ATG5: variants seen among roughly 807,000 people sequenced by gnomAD.
ATG5 encodes autophagy related 5, also known as autophagy protein 5.
A neutral mutation model predicts 36.5 loss-of-function variants in ATG5; 14 were observed. That is an observed-to-expected ratio of 0.38 (90% CI 0.25 to 0.60). ATG5 has a LOEUF of 0.60. Ranked by LOEUF, ATG5 falls within the 20% of genes least tolerant of loss-of-function variation. The pLI is 0.60. For synonymous variants in ATG5, 95 were observed against 101.5 expected (o/e 0.94, Z 0.38); for missense variants, 195 against 326.7 (o/e 0.60, Z 3.11).
chr6:106,233,282 A>G (rs1265364926), intron 6 of ATG5, among the ~76,000 whole-genome samples: 3 of 152,244 alleles, frequency 2.0e-5, no homozygotes, highest in South Asian at 2.1e-4. Flanking sequence ...ATTCCTTGAC[A>G]TAACAGGTTT....
intron 4 of ATG5, among the ~76,000 whole-genome samples, chr6:106,287,286 A>T (rs1780117049): frequency 1.3e-5 from 2 of 152,210 alleles, no homozygotes; most frequent in South Asian, 2.1e-4. Flanking sequence ...AAACTTGTCC[A>T]TCAGAAAAGA....
intron 5 of ATG5, among the ~76,000 whole-genome samples, chr6:106,257,018 TG>T (rs1342831891): frequency 6.6e-6 from 1 of 152,230 alleles, no homozygotes; most frequent in East Asian, 1.9e-4. Flanking sequence ...CCTTATTCTA[TG>T]AAACTTATTT....
intron 4 of ATG5, among the ~76,000 whole-genome samples, chr6:106,291,203 A>C (rs1000316779): frequency 6.6e-6 from 1 of 152,232 alleles, no homozygotes; most frequent in Non-Finnish European, 1.5e-5. Flanking sequence ...TTCCCATTCC[A>C]TCATACAGGA....
At chr6:106,309,317 CAGAA>C (rs952675457) in intron 2 of ATG5, among the ~76,000 whole-genome samples, 2 of 152,040 alleles carry the variant, frequency 1.3e-5, no homozygotes, top group African/African-American at 2.4e-5. Flanking sequence ...CAAATATATA[CAGAA>C]AGAGATATTC....
At chr6:106,305,875 C>G (rs1234574762) in intron 3 of ATG5, among the ~76,000 whole-genome samples, 1 of 152,092 alleles carries the variant, frequency 6.6e-6, no homozygotes, top group Admixed American at 6.5e-5. Context: ...TTACTGGAAG[C>G]AAAGAGAGAA....
intron 6 of ATG5, among the ~76,000 whole-genome samples, chr6:106,244,904 T>C (rs1778270747): frequency 6.6e-6 from 1 of 152,214 alleles, no homozygotes; most frequent in Admixed American, 6.5e-5. Context: ...TTAATTTTCA[T>C]TTTACATCTC....
intron 5 of ATG5, among the ~76,000 whole-genome samples, chr6:106,251,661 A>AGGG (rs1562237616): frequency 2.1e-3 from 3 of 1,408 alleles, no homozygotes; most frequent in Non-Finnish European, 3.5e-3. Context: ...GGGAGGGAGG[A>AGGG]AGGGAGGGGG....
At chr6:106,253,715 AATC>A (rs1373680044) in intron 5 of ATG5, among the ~76,000 whole-genome samples, 1 of 152,200 alleles carries the variant, frequency 6.6e-6, no homozygotes, top group Admixed American at 6.5e-5. Context: ...TTAAAGTATA[AATC>A]ATCAACGAGT....
At chr6:106,314,388 C>T (rs959896835) in intron 2 of ATG5, among the ~76,000 whole-genome samples, 3 of 152,032 alleles carry the variant, frequency 2.0e-5, no homozygotes, top group African/African-American at 7.2e-5. Flanking sequence ...GAAACCCTGT[C>T]TCTACTAAAA....
intron 5 of ATG5, among the ~76,000 whole-genome samples, chr6:106,274,906 T>C (rs1052039845): frequency 6.6e-5 from 10 of 152,008 alleles, no homozygotes; most frequent in Admixed American, 1.3e-4. Flanking sequence ...TGTGATAAAA[T>C]ACAAGAGAAA....
intron 7 of ATG5, among the ~76,000 whole-genome samples, chr6:106,195,476 C>T (rs2114329499): frequency 6.6e-6 from 1 of 152,130 alleles, no homozygotes; most frequent in African/African-American, 2.4e-5. Context: ...GTTTTGGATA[C>T]TCTACATAGA....
At chr6:106,222,731 T>C (rs1221701935) in intron 6 of ATG5, among the ~76,000 whole-genome samples, 1 of 152,250 alleles carries the variant, frequency 6.6e-6, no homozygotes, top group African/African-American at 2.4e-5. Context: ...ATTCAAATCC[T>C]GGCTCTTCTA....
At chr6:106,276,505 C>CT (rs1031700299) in intron 5 of ATG5, among the ~76,000 whole-genome samples, 3 of 151,196 alleles carry the variant, frequency 2.0e-5, no homozygotes, top group African/African-American at 7.3e-5. Flanking sequence ...AAGCAGTTGA[C>CT]TTGACCTAAG....
chr6:106,322,382 A>C (rs1771117299), intron 1 of ATG5, among the ~76,000 whole-genome samples: 1 of 152,234 alleles, frequency 6.6e-6, no homozygotes, highest in South Asian at 2.1e-4. Flanking sequence ...AATACTTACT[A>C]AACTAAGCGT....
At chr6:106,261,149 C>T in intron 5 of ATG5, among the ~76,000 whole-genome samples, 1 of 152,094 alleles carries the variant, frequency 6.6e-6, no homozygotes, top group East Asian at 1.9e-4. Flanking sequence ...AGAGATAGAT[C>T]AAGTGAGCTA....
At chr6:106,262,677 C>G (rs909537540) in intron 5 of ATG5, among the ~76,000 whole-genome samples, 2 of 151,962 alleles carry the variant, frequency 1.3e-5, no homozygotes, top group Non-Finnish European at 2.9e-5. Flanking sequence ...TTGTTGGGAC[C>G]GGTTAGGCAG....
intron 6 of ATG5, among the ~76,000 whole-genome samples, chr6:106,222,604 C>T (rs1297617891): frequency 6.6e-6 from 1 of 151,964 alleles, no homozygotes; most frequent in Non-Finnish European, 1.5e-5. Context: ...GGAGAACAGT[C>T]TCAAATCATA....
intron 3 of ATG5, among the ~76,000 whole-genome samples, chr6:106,298,558 AAAAT>A (rs146447159): frequency 0.075 from 11,386 of 152,068 alleles, 715 homozygotes; most frequent in Admixed American, 0.22. Context: ...CTCCATAAAA[AAAAT>A]AAATAAAGTA....
intron 6 of ATG5, among the ~76,000 whole-genome samples, chr6:106,240,407 GAA>G: frequency 6.8e-6 from 1 of 147,174 alleles, no homozygotes; most frequent in Non-Finnish European, 1.5e-5. Context: ...AAGTTAAGAA[GAA>G]AAGATAGGCA....
Sources: gnomAD v4.1 joint callset for allele counts (sites outside exome capture counted in the v4.1 genomes callset) on GRCh38, gnomAD v4.1.1 for gene constraint, MANE v1.5 for transcripts, NCBI Gene and HGNC (gene_info 2026-07-23, HGNC 2026-07-21) for gene names.